The following WWOX variants were observed in gnomAD, a reference collection of about 807,000 sequenced individuals.
WWOX encodes WW domain containing oxidoreductase, also known as WW domain-containing oxidoreductase.
Under a neutral mutation model 46.2 loss-of-function variants are expected in WWOX, and 69 were observed. The ratio of observed to expected loss-of-function variants is 1.49; its 90% CI spans 1.23 to 1.82. The LOEUF (loss-of-function observed/expected upper bound fraction) is 1.82, where lower values mean the gene tolerates loss of function less well. Ranked by LOEUF, WWOX falls within the 40% of genes most tolerant of loss-of-function variation. WWOX has a pLI of 0.00. For synonymous variants in WWOX, 359 were observed against 202.6 expected (o/e 1.77, Z -6.56); for missense variants, 919 against 542.6 (o/e 1.69, Z -6.89).
intron 8 of WWOX, among the ~76,000 whole-genome samples, chr16:78,648,576 T>A (rs948871104): frequency 6.6e-6 from 1 of 152,068 alleles, no homozygotes; most frequent in African/African-American, 2.4e-5. Context: ...AATGCCCATT[T>A]TTGCTAAATT....
intron 8 of WWOX, among the ~76,000 whole-genome samples, chr16:79,029,138 C>T (rs1328330125): frequency 6.6e-6 from 1 of 152,218 alleles, no homozygotes. Context: ...TAAGCAGAAT[C>T]GATTGATGAA....
At chr16:79,133,404 A>G (rs1471692279) in intron 8 of WWOX, among the ~76,000 whole-genome samples, 1 of 152,228 alleles carries the variant, frequency 6.6e-6, no homozygotes, top group East Asian at 1.9e-4. Context: ...TGATGTCAAT[A>G]TAAACTATGA....
chr16:78,565,556 G>C (rs1029576358), intron 8 of WWOX, among the ~76,000 whole-genome samples: 4 of 152,120 alleles, frequency 2.6e-5, no homozygotes, highest in African/African-American at 9.7e-5. Flanking sequence ...ATTTCATTGG[G>C]AATACCCAGA....
intron 8 of WWOX, among the ~76,000 whole-genome samples, chr16:78,836,921 T>G (rs1053742429): frequency 1.3e-5 from 2 of 152,074 alleles, no homozygotes; most frequent in African/African-American, 2.4e-5. Context: ...GAGTCAGAGG[T>G]TGGCAGCAAA....
chr16:78,677,490 A>G (rs1419398207), intron 8 of WWOX, among the ~76,000 whole-genome samples: 1 of 152,184 alleles, frequency 6.6e-6, no homozygotes, highest in Non-Finnish European at 1.5e-5. Flanking sequence ...ACACAGGTCA[A>G]ACATCCTGAG....
At chr16:78,580,075 A>AT (rs397753314) in intron 8 of WWOX, among the ~76,000 whole-genome samples, 24,714 of 143,726 alleles carry the variant, frequency 0.17, 2,119 homozygotes, top group South Asian at 0.19. Context: ...GACAGAGGAA[A>AT]TTTTTTTTTT....
chr16:79,091,182 C>T (rs1251987976), intron 8 of WWOX, among the ~76,000 whole-genome samples: 1 of 152,140 alleles, frequency 6.6e-6, no homozygotes. Context: ...CACATCCTTC[C>T]CCCAGACTTT....
At chr16:78,227,537 T>G (rs753134006) in intron 5 of WWOX, among the ~76,000 whole-genome samples, 1 of 152,208 alleles carries the variant, frequency 6.6e-6, no homozygotes, top group Non-Finnish European at 1.5e-5. Context: ...TCCACTGGAC[T>G]TCAGTATCCA....
intron 5 of WWOX, among the ~76,000 whole-genome samples, chr16:78,229,217 C>G (rs1011949373): frequency 2.0e-5 from 3 of 149,062 alleles, no homozygotes; most frequent in African/African-American, 7.4e-5. Context: ...CTCAGAAGGA[C>G]TTTATAAATA....
chr16:79,199,129 C>T (rs1004619863), intron 8 of WWOX, among the ~76,000 whole-genome samples: 6 of 152,202 alleles, frequency 3.9e-5, no homozygotes, highest in African/African-American at 1.4e-4. Context: ...GTGGTGCAAT[C>T]TTGGCTCACT....
At chr16:78,980,528 A>G (rs2046660091) in intron 8 of WWOX, among the ~76,000 whole-genome samples, 1 of 152,226 alleles carries the variant, frequency 6.6e-6, no homozygotes, top group Non-Finnish European at 1.5e-5. Flanking sequence ...CAATTAAAAT[A>G]CTAATAGTTT....
intron 8 of WWOX, among the ~76,000 whole-genome samples, chr16:78,514,765 T>G (rs1304719499): frequency 1.3e-5 from 2 of 152,126 alleles, no homozygotes; most frequent in Non-Finnish European, 1.5e-5. Context: ...GCATTGAAAA[T>G]AGATATACAT....
intron 8 of WWOX, among the ~76,000 whole-genome samples, chr16:78,989,620 C>G (rs975596006): frequency 6.6e-6 from 1 of 152,132 alleles, no homozygotes; most frequent in African/African-American, 2.4e-5. Context: ...ACTGAGCAGT[C>G]TTGTGGATTC....
chr16:79,211,977 G>T lies in WWOX; in HGVS notation c.*181G>T. Reference sequence around the variant, plus strand: ...CAATGGGAAGCAGGGAATTCCTGGGGTAAAGTATCACTTTTCTGGGGCTGG... The same window carrying T: ...CAATGGGAAGCAGGGAATTCCTGGGTTAAAGTATCACTTTTCTGGGGCTGG... On this transcript the variant is annotated 3_prime_UTR_variant, in exon 9 of 9. Transcript: ENST00000566780. 6.6e-7 allele frequency: 1 copy of T among 1,513,496 alleles called. No homozygotes were observed. Among genetic ancestry groups the T allele is most frequent in the Non-Finnish European group, 8.8e-7 (1 of 1,140,504 alleles). 93.8% of individuals were successfully genotyped at this position (1,513,496 alleles called of 1,614,324 possible).
intron 5 of WWOX, among the ~76,000 whole-genome samples, chr16:78,238,549 G>A (rs1056247158): frequency 6.6e-6 from 1 of 152,030 alleles, no homozygotes; most frequent in African/African-American, 2.4e-5. Flanking sequence ...AAATAGAAAT[G>A]TCATTGTTAT....
At chr16:78,129,853 C>A (rs1257738790) in intron 4 of WWOX, among the ~76,000 whole-genome samples, 1 of 151,934 alleles carries the variant, frequency 6.6e-6, no homozygotes, top group Non-Finnish European at 1.5e-5. Context: ...ATGTTGAAAC[C>A]CTAATCTTAA....
chr16:79,078,590 C>G (rs1184017892), intron 8 of WWOX, among the ~76,000 whole-genome samples: 2 of 152,350 alleles, frequency 1.3e-5, no homozygotes, highest in South Asian at 4.1e-4. Context: ...ATAGGAGAAT[C>G]TGAGTTCCTG....
chr16:78,937,981 C>T (rs568092407), intron 8 of WWOX, among the ~76,000 whole-genome samples: 2 of 152,298 alleles, frequency 1.3e-5, no homozygotes, highest in Admixed American at 6.5e-5. Flanking sequence ...TATTCCTCAT[C>T]TGACTTAGTT....
intron 8 of WWOX, among the ~76,000 whole-genome samples, chr16:79,073,501 G>C (rs2048591260): frequency 6.6e-6 from 1 of 152,078 alleles, no homozygotes; most frequent in African/African-American, 2.4e-5. Context: ...GAGTTATATG[G>C]ATTTATCATT....
Sources: gnomAD v4.1 joint callset for allele counts (sites outside exome capture counted in the v4.1 genomes callset) on GRCh38, gnomAD v4.1.1 for gene constraint, MANE v1.5 for transcripts, NCBI Gene and HGNC (gene_info 2026-07-23, HGNC 2026-07-21) for gene names.